The following CACNA1E variants were observed in gnomAD, a reference collection of about 807,000 sequenced individuals.
CACNA1E encodes the protein calcium voltage-gated channel subunit alpha1 E.
In CACNA1E, 40 loss-of-function variants were observed where a neutral mutation model predicts 259.2. The observed-to-expected ratio is 0.15, with a 90% CI of 0.12 to 0.20. The LOEUF (loss-of-function observed/expected upper bound fraction) is 0.20, where lower values mean the gene tolerates loss of function less well. Among genes scored for constraint, CACNA1E ranks in the 10% least tolerant of loss-of-function variants. The pLI, the probability that CACNA1E is intolerant of heterozygous loss-of-function variation, is 1.00. For synonymous variants in CACNA1E, 1,104 were observed against 1,138.5 expected, an observed-to-expected ratio of 0.97 and a Z score of 0.61; for missense variants, 1,874 against 3,040.1, an observed-to-expected ratio of 0.62 and a Z score of 9.02.
chr1:181,459,601 G>A (rs1661676992), intron 2 of CACNA1E, among the ~76,000 whole-genome samples: 1 of 152,258 alleles, frequency 6.6e-6, no homozygotes, highest in South Asian at 2.1e-4. Flanking sequence ...GAGGGTTAGT[G>A]TGCCAGACAC....
At chr1:181,586,804 A>G (rs933200493) in intron 6 of CACNA1E, among the ~76,000 whole-genome samples, 5 of 152,224 alleles carry the variant, frequency 3.3e-5, no homozygotes, top group African/African-American at 1.2e-4. Flanking sequence ...AGATGGGTCA[A>G]GGAAGGTGAG....
intron 7 of CACNA1E, among the ~76,000 whole-genome samples, chr1:181,699,665 G>A (rs533598550): frequency 2.0e-5 from 3 of 152,304 alleles, no homozygotes; most frequent in East Asian, 1.9e-4. Flanking sequence ...AGGCTACTGC[G>A]CTCTTGCAGC....
chr1:181,412,388 C>T lies in CACNA1E; in HGVS notation c.-14-745C>T, dbSNP rs372022793. Among the ~76,000 whole-genome samples the T allele has an allele frequency of 4.6e-5, 7 of 151,998 alleles. No individual in the cohort carries two copies. The South Asian group carries it at 1.2e-3, about 27-fold the overall frequency. On this transcript the variant is annotated intron_variant, in intron 1 of 11. Coordinates refer to the CACNA1E transcript ENST00000524607. The stretch of plus-strand genomic sequence containing the variant: ...GGAGTTGAGACTAGTCTAGGCAACA[C>T]GGGGAAACGTCATCTCTACAAAAAA...
At chr1:181,791,303 C>T (rs1372615055) in intron 44 of CACNA1E, among the ~76,000 whole-genome samples, 1 of 152,166 alleles carries the variant, frequency 6.6e-6, no homozygotes, top group African/African-American at 2.4e-5. Flanking sequence ...AACCCCGTCT[C>T]TACTAAAAAT....
chr1:181,682,360 G>T (rs1650061687), intron 7 of CACNA1E, among the ~76,000 whole-genome samples: 2 of 152,174 alleles, frequency 1.3e-5, no homozygotes, highest in Admixed American at 1.3e-4. Flanking sequence ...AAGGAATGCT[G>T]ACTATCTTCT....
chr1:181,685,825 C>T (rs1047768019), intron 7 of CACNA1E, among the ~76,000 whole-genome samples: 1 of 152,112 alleles, frequency 6.6e-6, no homozygotes, highest in Non-Finnish European at 1.5e-5. Flanking sequence ...CTCATTTGTA[C>T]CCCACTTGTT....
intron 7 of CACNA1E, among the ~76,000 whole-genome samples, chr1:181,674,865 C>T (rs921370739): frequency 7.9e-5 from 12 of 152,218 alleles, no homozygotes; most frequent in Non-Finnish European, 1.5e-4. Flanking sequence ...GCATGAGTGT[C>T]CCCCAGGTGG....
intron 1 of CACNA1E, among the ~76,000 whole-genome samples, chr1:181,374,978 A>G (rs57730332): frequency 6.6e-6 from 1 of 152,154 alleles, no homozygotes; most frequent in South Asian, 2.1e-4. Context: ...ATACAAAAGG[A>G]TTAGGATTAG....
At chr1:181,789,806 AGACTTTGTCTC>A (rs1185599491) in intron 43 of CACNA1E, among the ~76,000 whole-genome samples, 1 of 152,240 alleles carries the variant, frequency 6.6e-6, no homozygotes, top group East Asian at 1.9e-4. Flanking sequence ...ACAACTGGGC[AGACTTTGTCTC>A]CATCCTCTTT....
At position 181,794,932 on chromosome 1, in the gene CACNA1E, G is replaced by A. The variant is rs371656846; in HGVS notation, c.6096G>A (p.Ser2032=). ...STIRDKRSNS[S]WLEEFSMERS... is the part of the protein sequence containing the mutation. ...TTCGGGATAAGCGTTCAAATTCCTC[G>A]TGGTTGGAGGAATTCTCCATGGAGC... Residue 2032 remains serine (S), a synonymous_variant, in exon 46 of 48, where the codon TCG becomes TCA. Coordinates refer to ENST00000367573, the MANE Select transcript of CACNA1E (RefSeq NM_001205293.3). 102 of 1,613,574 alleles carry A rather than the reference G, an allele frequency of 6.3e-5. No individual in the cohort carries two copies. Among genetic ancestry groups the A allele is most frequent in the South Asian group, 1.8e-4 (16 of 91,064 alleles).
At chr1:181,736,091 AAGAAG>A (rs1168637886) in intron 21 of CACNA1E, among the ~76,000 whole-genome samples, 179 bp from the exon 22 acceptor site, 1 of 152,250 alleles carries the variant, frequency 6.6e-6, no homozygotes, top group Non-Finnish European at 1.5e-5. Flanking sequence ...GGGTAAAAAT[AAGAAG>A]AGAAGAGGAG....
intron 7 of CACNA1E, among the ~76,000 whole-genome samples, chr1:181,674,944 G>A (rs112940882): frequency 1.4e-4 from 22 of 152,288 alleles, no homozygotes; most frequent in Non-Finnish European, 2.4e-4. Flanking sequence ...TTCCTGTTTC[G>A]ATTCCTTTTC....
rs565660692 is a variant in CACNA1E, at chr1:181,363,290, C to T, written c.-15+45167C>T. ...AACAAACCCGCTTGTGAATACCTGC[C>T]AAAATGCGCGTGTGGGATGTCTATT... On this transcript the variant is annotated intron_variant, in intron 1 of 11. Transcript: ENST00000524607. 5.9e-5 allele frequency among the ~76,000 whole-genome samples: 9 copies of T among 152,260 alleles called. No homozygotes were observed. The South Asian group carries it at 1.7e-3, about 28-fold the overall frequency.
chr1:181,574,307 A>T (rs939188202), intron 3 of CACNA1E, among the ~76,000 whole-genome samples: 1 of 152,224 alleles, frequency 6.6e-6, no homozygotes, highest in Admixed American at 6.5e-5. Flanking sequence ...AAAAAAGAAT[A>T]TTAGAAGATC....
At chr1:181,790,996 C>T (rs1661257553) in intron 44 of CACNA1E, among the ~76,000 whole-genome samples, 1 of 152,198 alleles carries the variant, frequency 6.6e-6, no homozygotes, top group Non-Finnish European at 1.5e-5. Context: ...CCCACCTCCT[C>T]TAGAACCTAG....
chr1:181,502,441 T>C (rs1665330001), intron 1 of CACNA1E, among the ~76,000 whole-genome samples: 1 of 152,178 alleles, frequency 6.6e-6, no homozygotes, highest in African/African-American at 2.4e-5. Context: ...AGGGCAGCCA[T>C]AGGAGTGAGT....
intron 3 of CACNA1E, among the ~76,000 whole-genome samples, chr1:181,543,136 TC>T (rs1668725749): frequency 6.6e-6 from 1 of 152,012 alleles, no homozygotes; most frequent in Non-Finnish European, 1.5e-5. Flanking sequence ...ATCAGAATTG[TC>T]TGGAAAGCTT....
chr1:181,693,128 C>CAAAAAACA (rs1651350320), intron 7 of CACNA1E, among the ~76,000 whole-genome samples: 1 of 97,848 alleles, frequency 1.0e-5, no homozygotes, highest in African/African-American at 3.9e-5. Flanking sequence ...CTATCTAAAG[C>CAAAAAACA]AAAAAAAAAA....
intron 7 of CACNA1E, among the ~76,000 whole-genome samples, chr1:181,691,890 A>G (rs866930590): frequency 3.3e-4 from 51 of 152,262 alleles, no homozygotes; most frequent in African/African-American, 1.2e-3. Flanking sequence ...CTCTTTGCTA[A>G]CAATAACAAT....
Sources: allele counts gnomAD v4.1 joint callset (sites outside exome capture counted in the v4.1 genomes callset), GRCh38; gene constraint gnomAD v4.1.1; transcripts MANE v1.5; gene names NCBI Gene and HGNC (gene_info 2026-07-23, HGNC 2026-07-21).